The following ADAMTS2 variants were observed in gnomAD, a reference collection of about 807,000 sequenced individuals.
ADAMTS2 encodes A disintegrin and metalloproteinase with thrombospondin motifs 2.
A neutral mutation model predicts 123.0 loss-of-function variants in ADAMTS2; 50 were observed. The observed-to-expected ratio is 0.41, with a 90% CI of 0.32 to 0.51. The LOEUF is 0.51. ADAMTS2 is among the 20% of genes least tolerant of loss of function. ADAMTS2 has a pLI of 0.35. For synonymous variants in ADAMTS2, 678 were observed against 695.4 expected (o/e 0.98, Z 0.39); for missense variants, 1,494 against 1,705.2 (o/e 0.88, Z 2.18).
intron 2 of ADAMTS2, among the ~76,000 whole-genome samples, chr5:179,287,852 T>C (rs541603662): frequency 6.6e-6 from 1 of 152,190 alleles, no homozygotes; most frequent in South Asian, 2.1e-4. Context: ...ACGTCCCCCT[T>C]AGAAGCAGGG....
intron 3 of ADAMTS2, among the ~76,000 whole-genome samples, chr5:179,235,503 G>A (rs890556106): frequency 2.6e-5 from 4 of 152,202 alleles, no homozygotes; most frequent in Non-Finnish European, 5.9e-5. Flanking sequence ...TCGAATGAGC[G>A]AGGGGCCCTT....
Position 179,124,863 on chromosome 5 carries a change from G to C in ADAMTS2, c.2958+110C>G, listed in dbSNP as rs1762823580. 3 of 1,597,612 alleles carry C rather than the reference G, an allele frequency of 1.9e-6. No individual in the cohort carries two copies. The South Asian group carries it at 3.3e-5, about 18-fold the overall frequency. The stretch of plus-strand genomic sequence containing the variant: ...GTCATTGCAGTGCTTGGCATGCACG[G>C]AGCGGGTGGTGGTGTTGTGTAGCGG... On this transcript the variant is annotated intron_variant, in intron 19 of 21. Transcript: ENST00000251582.
At chr5:179,152,020 G>GC in intron 10 of ADAMTS2, 122 bp downstream of exon 10, 2 of 815,904 alleles carry the variant, frequency 2.5e-6, no homozygotes, top group Non-Finnish European at 4.1e-6. Context: ...AAAGGAGAGG[G>GC]CAGCAGAGGT....
intron 12 of ADAMTS2, among the ~76,000 whole-genome samples, chr5:179,136,256 A>G (rs1162015349): frequency 6.6e-6 from 1 of 152,086 alleles, no homozygotes; most frequent in Non-Finnish European, 1.5e-5. Context: ...ACTTTGGAAG[A>G]GCTTTTCCCA....
In ADAMTS2 at chr5:179,202,332, C is replaced by G. The variant is rs1302823967; in HGVS notation, c.891+5181G>C. On this transcript the variant is annotated intron_variant, in intron 4 of 21. Coordinates refer to ENST00000251582, the MANE Select transcript of ADAMTS2 (RefSeq NM_014244.5). The surrounding 1 kb of genome is among the most constrained non-coding windows in gnomAD (Gnocchi z 4.0). ...ACAGGCGATCCCTATCCTACCTCTTCCCACATCCTTCCGTTGTCGTGAGCC... is the reference window on the plus strand; with the variant it reads ...ACAGGCGATCCCTATCCTACCTCTTGCCACATCCTTCCGTTGTCGTGAGCC... Among the ~76,000 whole-genome samples, 1 of 152,164 alleles carries G rather than the reference C, an allele frequency of 6.6e-6. No homozygotes were observed. The highest frequency in any genetic ancestry group is 1.5e-5 in the Non-Finnish European group (1 of 68,024).
At position 179,197,972 on chromosome 5, in the gene ADAMTS2, C is replaced by T. The variant is rs1764467109; in HGVS notation, c.891+9541G>A. Among the ~76,000 whole-genome samples, 1 of 152,212 alleles carries T rather than the reference C, an allele frequency of 6.6e-6. No homozygotes were observed. Among genetic ancestry groups the T allele is most frequent in the Non-Finnish European group, 1.5e-5 (1 of 68,030 alleles). ...TTGTGAGCAGAGACTAGCCCAGGCG[C>T]TGGCAGAGCAAGTTTTTGAAAATGT... is the stretch of plus-strand genomic sequence containing the variant. On this transcript the variant is annotated intron_variant, in intron 4 of 21. Transcript: ENST00000251582. This position sits in a 1 kb window ranked among gnomAD's most constrained non-coding sequence, Gnocchi z 4.2.
At chr5:179,121,575 A>G in intron 21 of ADAMTS2, 86 bp downstream of exon 21, 1 of 1,127,462 alleles carries the variant, frequency 8.9e-7, no homozygotes, top group Non-Finnish European at 1.3e-6. Context: ...TTCCATAGAC[A>G]GAGAGGAGGG....
chr5:179,268,539 A>G (rs1261054173), intron 3 of ADAMTS2, among the ~76,000 whole-genome samples: 1 of 152,226 alleles, frequency 6.6e-6, no homozygotes, highest in East Asian at 1.9e-4. Flanking sequence ...TCCCAAGGTC[A>G]GTCTCTGGGA....
chr5:179,322,436 C>A (rs895798984), intron 2 of ADAMTS2, among the ~76,000 whole-genome samples: 2 of 152,206 alleles, frequency 1.3e-5, no homozygotes, highest in Non-Finnish European at 2.9e-5. Context: ...CTCCCTCCCC[C>A]ACCCAGGTCC....
At position 179,330,132 on chromosome 5, in the gene ADAMTS2, C is replaced by CAAA. The variant is rs58696442; in HGVS notation, c.534+13632_534+13634dup. ...TGGGCGACAGAGCGAGACTCCGTCT[C>CAAA]AAAAAAAAAAAAAAAAAAAGGAAAC... On this transcript the variant is annotated intron_variant, in intron 2 of 21. Coordinates refer to ENST00000251582, the MANE Select transcript of ADAMTS2 (RefSeq NM_014244.5). Among the ~76,000 whole-genome samples, 68 of 96,814 alleles carry CAAA rather than the reference C, an allele frequency of 7.0e-4. 1 individual carries two copies. Among genetic ancestry groups the CAAA allele is most frequent in the South Asian group, 6.2e-3 (17 of 2,726 alleles). The allele number at this position is 96,814 out of a possible 152,430, so 63.5% of individuals were successfully genotyped here.
At position 179,279,963 on chromosome 5, in the gene ADAMTS2, CGCCAGGT is replaced by C. The variant is rs1202651713; in HGVS notation, c.535-6906_535-6900del. On this transcript the variant is annotated intron_variant, in intron 2 of 21. Coordinates refer to ENST00000251582, the MANE Select transcript of ADAMTS2 (RefSeq NM_014244.5). Reference sequence around the variant, plus strand: ...CTCCTCCTCTGTCTCATGGGATCCTCGCCAGGTGCCAGCCACTCCCGTCCTTCCTCTT... The same window carrying C: ...CTCCTCCTCTGTCTCATGGGATCCTCGCCAGCCACTCCCGTCCTTCCTCTT... Among the ~76,000 whole-genome samples the C allele has an allele frequency of 3.3e-5, 5 of 152,220 alleles. No individual in the cohort carries two copies. The East Asian group carries it at 9.6e-4, about 29-fold the overall frequency.
At chr5:179,211,631 C>A (rs1233537336) in intron 3 of ADAMTS2, among the ~76,000 whole-genome samples, 1 of 152,162 alleles carries the variant, frequency 6.6e-6, no homozygotes, top group African/African-American at 2.4e-5. Context: ...AAGACTCTAT[C>A]GAAGAGTCAA....
intron 4 of ADAMTS2, among the ~76,000 whole-genome samples, chr5:179,206,727 C>G (rs1009994836): frequency 6.6e-6 from 1 of 152,204 alleles, no homozygotes. Context: ...TGGCTCTGAC[C>G]ACATGAGGCA....
chr5:179,207,470 G>GTCCCA, intron 4 of ADAMTS2, 43 bp downstream of exon 4: 6 of 1,323,540 alleles, frequency 4.5e-6, no homozygotes, highest in Non-Finnish European at 6.5e-6. Flanking sequence ...GCCCCTGGTT[G>GTCCCA]ACCCTCCCCG....
chr5:179,322,239 C>T (rs145113927), intron 2 of ADAMTS2, among the ~76,000 whole-genome samples: 4 of 152,316 alleles, frequency 2.6e-5, no homozygotes, highest in Admixed American at 6.5e-5. Flanking sequence ...CCAGGACTGC[C>T]GGTGCTGGGA....
At chr5:179,168,891 C>T (rs954179457) in intron 5 of ADAMTS2, among the ~76,000 whole-genome samples, 6 of 152,208 alleles carry the variant, frequency 3.9e-5, no homozygotes, top group African/African-American at 1.2e-4. Context: ...AGGAGGCGTG[C>T]ACCTCATTTC....
intron 3 of ADAMTS2, among the ~76,000 whole-genome samples, chr5:179,208,654 C>T (rs1764777684): frequency 1.3e-5 from 2 of 152,214 alleles, no homozygotes; most frequent in South Asian, 4.1e-4. Context: ...CCCTCCACTG[C>T]CCGTCTGAAG....
chr5:179,186,773 C>T (rs1188333309), intron 4 of ADAMTS2, among the ~76,000 whole-genome samples: 2 of 151,374 alleles, frequency 1.3e-5, no homozygotes, highest in Admixed American at 1.3e-4. Flanking sequence ...CCCGGCCCCA[C>T]CCACTTTCTC....
At chr5:179,165,486 G>A (rs1763680130) in intron 5 of ADAMTS2, among the ~76,000 whole-genome samples, 1 of 152,138 alleles carries the variant, frequency 6.6e-6, no homozygotes, top group South Asian at 2.1e-4. Flanking sequence ...AGGAAAGTCT[G>A]TCTGTGTGAC....
Sources: allele counts gnomAD v4.1 joint callset (sites outside exome capture counted in the v4.1 genomes callset), GRCh38; gene constraint gnomAD v4.1.1; non-coding constraint Gnocchi (gnomAD v3.1); transcripts MANE v1.5; gene names NCBI Gene and HGNC (gene_info 2026-07-23, HGNC 2026-07-21).